Variants in TRABD2B observed in about 807,000 individuals in gnomAD.
TRABD2B encodes the protein metalloprotease TIKI2.
A neutral mutation model predicts 40.1 loss-of-function variants in TRABD2B; 14 were observed. The observed-to-expected ratio is 0.35, with a 90% CI of 0.23 to 0.55. The LOEUF (loss-of-function observed/expected upper bound fraction) is 0.55, where lower values mean the gene tolerates loss of function less well. TRABD2B is among the 20% of genes least tolerant of loss of function. TRABD2B has a pLI of 0.90. For missense variants in TRABD2B, 541 were observed against 648.6 expected (o/e 0.83, Z 1.80); for synonymous variants, 263 against 277.0 (o/e 0.95, Z 0.50).
At chr1:47,914,181 C>T (rs931167374) in intron 2 of TRABD2B, among the ~76,000 whole-genome samples, 5 of 152,354 alleles carry the variant, frequency 3.3e-5, no homozygotes, top group East Asian at 1.9e-4. Context: ...TGGCAGGTGA[C>T]GTCGTGAGCC....
intron 6 of TRABD2B, among the ~76,000 whole-genome samples, chr1:47,772,909 C>T (rs1201400378): frequency 1.3e-5 from 2 of 152,330 alleles, no homozygotes; most frequent in South Asian, 2.1e-4. Context: ...ATAAAGTTAG[C>T]CAACTGCAAT....
chr1:47,978,738 C>T (rs149733400), intron 2 of TRABD2B, among the ~76,000 whole-genome samples: 24 of 152,288 alleles, frequency 1.6e-4, no homozygotes, highest in East Asian at 1.4e-3. Flanking sequence ...TCAGAGCTGA[C>T]GCCACTTCAC....
At chr1:47,979,448 T>A (rs958650697) in intron 2 of TRABD2B, among the ~76,000 whole-genome samples, 12 of 152,162 alleles carry the variant, frequency 7.9e-5, no homozygotes, top group Non-Finnish European at 2.9e-5. Flanking sequence ...AGAAAGTGGC[T>A]TTGCAGCAGC....
In TRABD2B at chr1:47,761,819, C is replaced by T. The variant is rs565691468; in HGVS notation, c.*4083G>A. On this transcript the variant is annotated 3_prime_UTR_variant, in exon 7 of 7. Coordinates refer to ENST00000606738, the MANE Select transcript of TRABD2B (RefSeq NM_001194986.2). ...GGTGGAAATTATGCCACTGGTGGAA[C>T]TAAGGTCTGCCTCTCTCCTTCTTTT... is the stretch of plus-strand genomic sequence containing the variant. 1 of 152,446 alleles carries T rather than the reference C, an allele frequency of 6.6e-6. No individual in the cohort carries two copies. The highest frequency in any genetic ancestry group is 2.4e-5 in the African/African-American group (1 of 41,582). 9.4% of individuals were successfully genotyped at this position (152,446 alleles called of 1,614,324 possible).
intron 2 of TRABD2B, among the ~76,000 whole-genome samples, chr1:47,920,664 C>G (rs1644889479): frequency 6.6e-6 from 1 of 152,212 alleles, no homozygotes; most frequent in South Asian, 2.1e-4. Flanking sequence ...AGCCACTGGT[C>G]AAAGGTCCCT....
intron 2 of TRABD2B, among the ~76,000 whole-genome samples, chr1:47,898,491 C>T (rs965009742): frequency 6.6e-6 from 1 of 152,170 alleles, no homozygotes; most frequent in African/African-American, 2.4e-5. Flanking sequence ...GCCAGGGAGG[C>T]ACTGGGTGGG....
At chr1:47,918,069 A>C (rs11211631) in intron 2 of TRABD2B, among the ~76,000 whole-genome samples, 69,970 of 152,118 alleles carry the variant, frequency 0.46, 17,918 homozygotes, top group Middle Eastern at 0.62. Flanking sequence ...TAGAAAAGAA[A>C]GCCTCCTATG....
chr1:47,968,341 A>G (rs1645633055), intron 2 of TRABD2B, among the ~76,000 whole-genome samples: 1 of 152,158 alleles, frequency 6.6e-6, no homozygotes, highest in Admixed American at 6.5e-5. Flanking sequence ...CTCCTACGAC[A>G]ACCACTATGG....
intron 2 of TRABD2B, among the ~76,000 whole-genome samples, chr1:47,858,166 C>T (rs2124545075): frequency 6.6e-6 from 1 of 151,986 alleles, no homozygotes; most frequent in South Asian, 2.1e-4. Context: ...CATCCTCCGA[C>T]AAGGGGCAAC....
At chr1:47,995,317 G>C (rs1222615853) in intron 1 of TRABD2B, among the ~76,000 whole-genome samples, 2 of 152,120 alleles carry the variant, frequency 1.3e-5, no homozygotes, top group African/African-American at 4.8e-5. Flanking sequence ...TTAAAATCTT[G>C]CAAGGCCAAG....
chr1:47,923,398 G>C (rs1161451089), intron 2 of TRABD2B, among the ~76,000 whole-genome samples: 2 of 152,174 alleles, frequency 1.3e-5, no homozygotes, highest in East Asian at 1.9e-4. Context: ...AACTGTGCCT[G>C]GCATAAAGTC....
rs78208489 is a variant in TRABD2B at position 47,890,349 on chromosome 1, G to A, written c.667-88730C>T. On this transcript the variant is annotated intron_variant, in intron 2 of 6. Coordinates refer to ENST00000606738, the MANE Select transcript of TRABD2B (RefSeq NM_001194986.2). Reference sequence around the variant, plus strand: ...GTTAGTAGCAATGGCCATGACCAGCGTGGTCATGGAGGTGGCAGGTACAGT... The same window carrying A: ...GTTAGTAGCAATGGCCATGACCAGCATGGTCATGGAGGTGGCAGGTACAGT... 3.8e-3 allele frequency among the ~76,000 whole-genome samples: 580 copies of A among 152,278 alleles called. 3 individuals are homozygous for A. The highest frequency in any genetic ancestry group is 0.013 in the African/African-American group (555 of 41,558).
rs571705099 is a variant in TRABD2B, at chr1:47,768,625, A to C, written c.1350-2519T>G. On this transcript the variant is annotated intron_variant, in intron 6 of 6. Coordinates refer to ENST00000606738, the MANE Select transcript of TRABD2B (RefSeq NM_001194986.2). ...CCCAAACCTTGTACATTTCTCATTG[A>C]CCTCTCTGTGTTGTAGGTCTCCATT... Among the ~76,000 whole-genome samples the C allele has an allele frequency of 2.6e-5, 4 of 151,868 alleles. No homozygotes were observed. In the South Asian group the frequency reaches 8.3e-4, roughly 32 times the overall value.
At chr1:47,790,284 A>G (rs1051534478) in intron 4 of TRABD2B, among the ~76,000 whole-genome samples, 1 of 152,212 alleles carries the variant, frequency 6.6e-6, no homozygotes, top group Non-Finnish European at 1.5e-5. Flanking sequence ...CTCAGCAGAC[A>G]GAAAATGGGC....
At position 47,949,401 on chromosome 1, in the gene TRABD2B, CTTTTT is replaced by C. The variant is rs35027686; in HGVS notation, c.666+44628_666+44632del. Among the ~76,000 whole-genome samples the C allele has an allele frequency of 1.5e-4, 12 of 80,286 alleles. No individual in the cohort carries two copies. The East Asian group carries it at 4.8e-3, about 32-fold the overall frequency. The allele number at this position is 80,286 out of a possible 152,430, so 52.7% of individuals were successfully genotyped here. A position where few individuals can be genotyped will look rare whatever the true frequency, so the allele number is the denominator to read the frequency against. ...TCTATGATTGTATTTTCTTTTCTTT[CTTTTT>C]TTTTTTTTTTTTTTTTTTTGAGACA... On this transcript the variant is annotated intron_variant, in intron 2 of 6. Coordinates refer to ENST00000606738, the MANE Select transcript of TRABD2B (RefSeq NM_001194986.2).
chr1:47,950,808 G>A (rs772690221), intron 2 of TRABD2B, among the ~76,000 whole-genome samples: 22 of 152,186 alleles, frequency 1.4e-4, no homozygotes, highest in Non-Finnish European at 4.4e-5. Context: ...TGTGAACTTG[G>A]CAAGTCGCTC....
intron 2 of TRABD2B, among the ~76,000 whole-genome samples, chr1:47,861,846 TA>T (rs1477243575): frequency 3.9e-5 from 6 of 152,188 alleles, no homozygotes; most frequent in African/African-American, 1.4e-4. Flanking sequence ...TTCATGAATA[TA>T]GGTATAAAAA....
intron 2 of TRABD2B, among the ~76,000 whole-genome samples, chr1:47,958,005 G>A (rs1156305271): frequency 6.6e-6 from 1 of 152,196 alleles, no homozygotes; most frequent in Non-Finnish European, 1.5e-5. Context: ...ACTAACAGCT[G>A]ATCTCTTGGC....
At chr1:47,841,194 G>A (rs991180906) in intron 2 of TRABD2B, among the ~76,000 whole-genome samples, 1 of 152,130 alleles carries the variant, frequency 6.6e-6, no homozygotes, top group Non-Finnish European at 1.5e-5. Flanking sequence ...AGAGCCCCTG[G>A]TTACCTGCTG....
Sources: gnomAD v4.1 joint callset for allele counts (sites outside exome capture counted in the v4.1 genomes callset) on GRCh38, gnomAD v4.1.1 for gene constraint, MANE v1.5 for transcripts, NCBI Gene and HGNC (gene_info 2026-07-23, HGNC 2026-07-21) for gene names.